Variants in GABRA3 observed in about 807,000 individuals in gnomAD.
GABRA3 encodes the protein gamma-aminobutyric acid type A receptor subunit alpha3.
Under a neutral mutation model 30.1 loss-of-function variants are expected in GABRA3, and 10 were observed. The observed-to-expected ratio is 0.33, with a 90% CI of 0.20 to 0.56. GABRA3 has a LOEUF of 0.56. GABRA3 is among the 20% of genes least tolerant of loss of function. The probability of loss-of-function intolerance (pLI) is 0.89; values close to 1 mark genes in which losing one functional copy is unlikely to be tolerated. For synonymous variants in GABRA3, 151 were observed against 146.8 expected (o/e 1.03, Z -0.21); for missense variants, 233 against 392.0 (o/e 0.59, Z 3.42).
At chrX:152,203,625 C>T (rs189721778) in intron 7 of GABRA3, among the ~76,000 whole-genome samples, 1 of 111,779 alleles carries the variant, frequency 8.9e-6, no homozygotes, top group East Asian at 2.8e-4. Flanking sequence ...GTAGGTGGGG[C>T]TGCCTTCACT....
chrX:152,184,618 T>C lies in GABRA3; in HGVS notation c.1143+5112A>G, dbSNP rs756544415. On this transcript the variant is annotated intron_variant, in intron 9 of 9. Transcript: ENST00000370314. ...CTTTTGTTTTATTCTCTATTGTATC[T>C]AGCGCTTCCTAACACTGAATTTCTC... is the stretch of plus-strand genomic sequence containing the variant. 1.6e-4 allele frequency among the ~76,000 whole-genome samples: 18 copies of C among 111,350 alleles called. No homozygotes were observed. In the Admixed American group the frequency reaches 1.7e-3, roughly 11 times the overall value.
chrX:152,333,318 G>A (rs1442980232), intron 3 of GABRA3, among the ~76,000 whole-genome samples: 1 of 111,573 alleles, frequency 9.0e-6, no homozygotes, highest in Admixed American at 9.6e-5. Context: ...TATGAAACAC[G>A]GAGAAAAGAA....
At chrX:152,316,499 G>A (rs1338927693) in intron 3 of GABRA3, among the ~76,000 whole-genome samples, 2 of 111,589 alleles carry the variant, frequency 1.8e-5, no homozygotes, top group African/African-American at 3.3e-5. Context: ...AACACAATAA[G>A]CTCAAAGAAC....
chrX:152,285,763 C>G (rs760070625), intron 3 of GABRA3, among the ~76,000 whole-genome samples: 11 of 109,685 alleles, frequency 1.0e-4, no homozygotes, highest in Non-Finnish European at 2.1e-4. Flanking sequence ...CCTTCTATGT[C>G]CTCACATGAT....
chrX:152,385,463 A>T (rs1764529988), intron 1 of GABRA3, among the ~76,000 whole-genome samples: 1 of 112,076 alleles, frequency 8.9e-6, no homozygotes, highest in African/African-American at 3.2e-5. Flanking sequence ...AACAACCTGT[A>T]CACATCTCAC....
intron 1 of GABRA3, among the ~76,000 whole-genome samples, chrX:152,395,028 C>T (rs990369186): frequency 1.8e-5 from 2 of 110,997 alleles, no homozygotes; most frequent in African/African-American, 6.6e-5. Context: ...TGGTGTGATT[C>T]TTACTTGGGT....
At position 152,376,224 on chromosome X, in the gene GABRA3, G is replaced by T. The variant is rs529282626; in HGVS notation, c.-26-11628C>A. Reference sequence around the variant, plus strand: ...ACCCACACAGTTTCCATGGTACTTTGCTTGATACATTACCCTTGCTTGGCC... The same window carrying T: ...ACCCACACAGTTTCCATGGTACTTTTCTTGATACATTACCCTTGCTTGGCC... On this transcript the variant is annotated intron_variant, in intron 1 of 9. Transcript: ENST00000370314. 5.4e-5 allele frequency among the ~76,000 whole-genome samples: 6 copies of T among 111,163 alleles called. No homozygotes were observed. The South Asian group carries it at 1.2e-3, about 21-fold the overall frequency.
chrX:152,267,102 A>G (rs1019068682), intron 4 of GABRA3, among the ~76,000 whole-genome samples: 3 of 112,414 alleles, frequency 2.7e-5, no homozygotes, highest in African/African-American at 9.7e-5. Flanking sequence ...AAATAACTAC[A>G]TTAATTCAAT....
intron 1 of GABRA3, among the ~76,000 whole-genome samples, chrX:152,414,206 G>A (rs969759052): frequency 9.0e-6 from 1 of 110,561 alleles, no homozygotes; most frequent in African/African-American, 3.3e-5. Flanking sequence ...TTTTTAATAG[G>A]ATCAAGCTGG....
rs369985948 is a variant in GABRA3 at position 152,431,348 on chromosome X, A to G, written c.-27+19798T>C. Among the ~76,000 whole-genome samples, 8 of 112,588 alleles carry G rather than the reference A, an allele frequency of 7.1e-5. No homozygotes were observed. In the East Asian group the frequency reaches 8.4e-4, roughly 12 times the overall value. ...AATAAGAAGATAAAACTAATAAAAT[A>G]TCTTTTATGTCTGCATTTACTGAGA... On this transcript the variant is annotated intron_variant, in intron 1 of 9. Transcript: ENST00000370314.
chrX:152,200,579 A>C (rs1937470389), intron 7 of GABRA3, among the ~76,000 whole-genome samples: 1 of 104,043 alleles, frequency 9.6e-6, no homozygotes, highest in Admixed American at 1.0e-4. Context: ...CCTTTCCTTC[A>C]CTCTCTCCCC....
chrX:152,174,387 A>G (rs1376612730), intron 9 of GABRA3, among the ~76,000 whole-genome samples: 2 of 111,973 alleles, frequency 1.8e-5, no homozygotes, highest in African/African-American at 3.2e-5. Context: ...CAATGGTTGA[A>G]CTAGTTTATA....
chrX:152,429,528 C>T (rs149651007), intron 1 of GABRA3, among the ~76,000 whole-genome samples: 1,234 of 111,673 alleles, frequency 0.011, 6 homozygotes, highest in Middle Eastern at 0.042. Flanking sequence ...AAGATCTAGC[C>T]AAATCACGCC....
intron 3 of GABRA3, among the ~76,000 whole-genome samples, chrX:152,320,177 A>G (rs1166947169): frequency 9.0e-6 from 1 of 111,685 alleles, no homozygotes; most frequent in Non-Finnish European, 1.9e-5. Context: ...TCCTTAAAGA[A>G]CTAAAAGTAG....
At chrX:152,394,448 A>G (rs756834895) in intron 1 of GABRA3, 4 of 386,003 alleles carry the variant, frequency 1.0e-5, no homozygotes, top group African/African-American at 7.6e-5. Flanking sequence ...TCCGTGGTGC[A>G]TAAGCAGCCA....
intron 2 of GABRA3, 148 bp from the exon 3 acceptor site, chrX:152,345,850 T>G (rs1271348831): frequency 2.1e-6 from 1 of 470,761 alleles, no homozygotes; most frequent in Non-Finnish European, 3.3e-6. Flanking sequence ...TCACTACATA[T>G]TTGTCACAAT....
intron 3 of GABRA3, among the ~76,000 whole-genome samples, chrX:152,297,437 A>G (rs1939550086): frequency 8.9e-6 from 1 of 112,190 alleles, no homozygotes; most frequent in African/African-American, 3.2e-5. Context: ...AACATATTTC[A>G]ATTGTCAATT....
intron 9 of GABRA3, among the ~76,000 whole-genome samples, chrX:152,178,992 C>T (rs76850581): frequency 9.0e-6 from 1 of 111,550 alleles, no homozygotes; most frequent in Non-Finnish European, 1.9e-5. Context: ...TCCTCTAGTA[C>T]AATTATAGCA....
chrX:152,237,321 T>C (rs1938243913), intron 5 of GABRA3, among the ~76,000 whole-genome samples: 1 of 108,656 alleles, frequency 9.2e-6, no homozygotes, highest in South Asian at 4.0e-4. Context: ...TGTGGTGTTA[T>C]TTCTGAGGGC....
Sources: allele counts gnomAD v4.1 joint callset (sites outside exome capture counted in the v4.1 genomes callset), GRCh38; gene constraint gnomAD v4.1.1; transcripts MANE v1.5; gene names NCBI Gene and HGNC (gene_info 2026-07-23, HGNC 2026-07-21).